Variants in GALNT13 observed in about 807,000 individuals in gnomAD.
The protein encoded by GALNT13 is polypeptide N-acetylgalactosaminyltransferase 13.
GALNT13 carries 28 observed loss-of-function variants against 64.2 expected under a neutral mutation model. That is an observed-to-expected ratio of 0.44 (90% CI 0.32 to 0.60). GALNT13 has a LOEUF of 0.60. Ranked by LOEUF, GALNT13 falls within the 20% of genes least tolerant of loss-of-function variation. The pLI, the probability that GALNT13 is intolerant of heterozygous loss-of-function variation, is 0.05. For synonymous variants in GALNT13, 214 were observed against 224.6 expected, an observed-to-expected ratio of 0.95 and a Z score of 0.42; for missense variants, 577 against 669.8, an observed-to-expected ratio of 0.86 and a Z score of 1.53.
chr2:153,954,440 C>T (rs1301787020), intron 3 of GALNT13, among the ~76,000 whole-genome samples: 2 of 151,890 alleles, frequency 1.3e-5, no homozygotes, highest in East Asian at 3.9e-4. Flanking sequence ...AATTAATAGG[C>T]CTTATAAAAT....
At chr2:153,270,733 A>T in the GALNT13 span, among the ~76,000 whole-genome samples, 126,430 of 152,116 alleles carry the variant, frequency 0.83, 53,800 homozygotes, top group African/African-American at 0.93. Flanking sequence ...CCCCTTGTAG[A>T]CTGAGCTACT....
chr2:153,077,105 C>G, the GALNT13 span, among the ~76,000 whole-genome samples: 364 of 152,086 alleles, frequency 2.4e-3, no homozygotes, highest in African/African-American at 8.5e-3. Flanking sequence ...GTGCCCGCCA[C>G]CACACCTAGC....
the GALNT13 span, among the ~76,000 whole-genome samples, chr2:153,331,675 C>T: frequency 6.6e-6 from 1 of 151,926 alleles, no homozygotes; most frequent in African/African-American, 2.4e-5. Flanking sequence ...TTAGATTGTG[C>T]TCACCAGATT....
chr2:153,441,487 A>T, the GALNT13 span, among the ~76,000 whole-genome samples: 1 of 152,214 alleles, frequency 6.6e-6, no homozygotes, highest in Non-Finnish European at 1.5e-5. Flanking sequence ...CAGTGAGGAA[A>T]GTCAATTGTA....
At chr2:153,098,344 G>A in the GALNT13 span, among the ~76,000 whole-genome samples, 1 of 152,088 alleles carries the variant, frequency 6.6e-6, no homozygotes, top group Non-Finnish European at 1.5e-5. Flanking sequence ...AAAATCCTTG[G>A]CTCCCAGCTT....
the GALNT13 span, among the ~76,000 whole-genome samples, chr2:153,533,349 T>A: frequency 3.3e-5 from 5 of 152,066 alleles, no homozygotes; most frequent in African/African-American, 1.2e-4. Context: ...CCCCCCAGGT[T>A]CAAGCAATTC....
the GALNT13 span, among the ~76,000 whole-genome samples, chr2:153,193,553 A>T: frequency 6.6e-6 from 1 of 152,074 alleles, no homozygotes; most frequent in South Asian, 2.1e-4. Context: ...ATATGTAACT[A>T]ACCTGCACAA....
At chr2:153,299,517 G>T in the GALNT13 span, among the ~76,000 whole-genome samples, 3 of 152,336 alleles carry the variant, frequency 2.0e-5, no homozygotes, top group South Asian at 6.2e-4. Context: ...CACAGCCAAG[G>T]CTATCTGACA....
chr2:154,408,674 G>T (rs1699659911), intron 10 of GALNT13, among the ~76,000 whole-genome samples: 1 of 151,968 alleles, frequency 6.6e-6, no homozygotes, highest in African/African-American at 2.4e-5. Context: ...ATTTGGGGAA[G>T]AATTCCTAAT....
intron 3 of GALNT13, among the ~76,000 whole-genome samples, chr2:153,965,274 T>C (rs1311989510): frequency 6.6e-6 from 1 of 152,162 alleles, no homozygotes; most frequent in Non-Finnish European, 1.5e-5. Context: ...TGTCCTATTG[T>C]ACTACCAAAC....
the GALNT13 span, among the ~76,000 whole-genome samples, chr2:153,720,828 C>T: frequency 1.3e-5 from 2 of 149,996 alleles, no homozygotes; most frequent in African/African-American, 2.4e-5. Flanking sequence ...ACCAAATCTA[C>T]GTCTGACTGG....
intron 2 of GALNT13, among the ~76,000 whole-genome samples, chr2:153,909,043 G>GT (rs1381940494): frequency 6.6e-5 from 10 of 151,968 alleles, no homozygotes; most frequent in African/African-American, 1.2e-4. Flanking sequence ...AACATGGAGT[G>GT]TTTTTCTATT....
chr2:153,601,314 A>G, the GALNT13 span, among the ~76,000 whole-genome samples: 1,801 of 151,826 alleles, frequency 0.012, 26 homozygotes, highest in African/African-American at 0.04. Flanking sequence ...TGTACTAGTA[A>G]TGATGGCAAA....
rs754236942 is a variant in GALNT13, at chr2:154,245,967, G to T, written c.842G>T (p.Arg281Ile). 3.1e-6 allele frequency: 5 copies of T among 1,612,274 alleles called. No homozygotes were observed. The South Asian group carries it at 5.5e-5, about 18-fold the overall frequency. Residue 281 changes from arginine to isoleucine, a missense_variant, in exon 7 of 13, where the codon AGA becomes ATA. Arg to Ile is a moderately conservative substitution (Grantham distance 97). Around this residue, in one of 3 missense-constraint regions of GALNT13, gnomAD observed 341 missense variants for 379.3 expected, o/e 0.90. Transcript: ENST00000392825. ...QREMDRRKGD[R>I]TLPVRTPTMA... Reference sequence around the variant, plus strand: ...GAAATGGACAGGAGGAAAGGAGACAGAACATTACCTGTCAGGTATGTAGAT... The same window carrying T: ...GAAATGGACAGGAGGAAAGGAGACATAACATTACCTGTCAGGTATGTAGAT...
At chr2:153,069,884 T>C in the GALNT13 span, among the ~76,000 whole-genome samples, 1 of 152,226 alleles carries the variant, frequency 6.6e-6, no homozygotes, top group African/African-American at 2.4e-5. Flanking sequence ...AGAGATGATG[T>C]GCATTAACTG....
chr2:153,303,456 T>A, the GALNT13 span, among the ~76,000 whole-genome samples: 1 of 152,168 alleles, frequency 6.6e-6, no homozygotes, highest in Non-Finnish European at 1.5e-5. Context: ...CACTTTTGGA[T>A]GGAGTATTTA....
intron 4 of GALNT13, among the ~76,000 whole-genome samples, chr2:154,161,150 A>G (rs1017689269): frequency 6.6e-6 from 1 of 152,194 alleles, no homozygotes; most frequent in African/African-American, 2.4e-5. Flanking sequence ...AAGACACTGA[A>G]ATATGCATGC....
intron 10 of GALNT13, among the ~76,000 whole-genome samples, chr2:154,407,745 T>C (rs1297993212): frequency 1.3e-5 from 2 of 152,074 alleles, no homozygotes; most frequent in African/African-American, 4.8e-5. Flanking sequence ...GAAACAGGGC[T>C]TGATGACTCT....
chr2:153,351,955 A>C, the GALNT13 span, among the ~76,000 whole-genome samples: 1 of 152,276 alleles, frequency 6.6e-6, no homozygotes, highest in East Asian at 1.9e-4. Context: ...TCAGTTTTCA[A>C]CTTCTTTCAG....
Sources: gnomAD v4.1 joint callset for allele counts (sites outside exome capture counted in the v4.1 genomes callset) on GRCh38, gnomAD v4.1.1 for gene constraint, gnomAD v4.1.1 regional missense constraint, MANE v1.5 for transcripts, NCBI Gene and HGNC (gene_info 2026-07-23, HGNC 2026-07-21) for gene names.